Variants in THSD7B observed in about 807,000 individuals in gnomAD.
The protein encoded by THSD7B is thrombospondin type-1 domain-containing protein 7B.
A neutral mutation model predicts 213.6 loss-of-function variants in THSD7B; 138 were observed. The observed-to-expected ratio is 0.65, with a 90% confidence interval of 0.56 to 0.74. The LOEUF (loss-of-function observed/expected upper bound fraction) is 0.74, where lower values mean the gene tolerates loss of function less well. THSD7B is among the 30% of genes least tolerant of loss of function. The pLI, the probability that THSD7B is intolerant of heterozygous loss-of-function variation, is 0.00. For missense variants in THSD7B, 1,931 were observed against 1,991.5 expected, an observed-to-expected ratio of 0.97 and a Z score of 0.58; for synonymous variants, 742 against 687.0, an observed-to-expected ratio of 1.08 and a Z score of -1.25.
intron 7 of THSD7B, among the ~76,000 whole-genome samples, chr2:137,211,460 C>G (rs1681111181): frequency 6.6e-6 from 1 of 151,840 alleles, no homozygotes; most frequent in East Asian, 1.9e-4. Context: ...AAAATTAAAC[C>G]ATCACATTAT....
At chr2:137,269,684 T>C (rs529795992) in intron 10 of THSD7B, among the ~76,000 whole-genome samples, 1 of 152,282 alleles carries the variant, frequency 6.6e-6, no homozygotes, top group Admixed American at 6.5e-5. Flanking sequence ...GAAGAGACTT[T>C]TTCCTAAAGG....
chr2:137,154,171 T>G (rs542788975), intron 5 of THSD7B, among the ~76,000 whole-genome samples: 8 of 152,242 alleles, frequency 5.3e-5, no homozygotes, highest in African/African-American at 1.9e-4. Context: ...ATTTAGGTTT[T>G]GGGGGTTCTT....
chr2:137,285,478 G>A (rs1683147943), intron 12 of THSD7B, among the ~76,000 whole-genome samples: 1 of 151,882 alleles, frequency 6.6e-6, no homozygotes, highest in South Asian at 2.1e-4. Flanking sequence ...ATTAGTTGAT[G>A]CAGTTTCTTC....
At chr2:137,435,250 T>C (rs1476957340) in intron 14 of THSD7B, among the ~76,000 whole-genome samples, 1 of 152,158 alleles carries the variant, frequency 6.6e-6, no homozygotes, top group Non-Finnish European at 1.5e-5. Flanking sequence ...TGAGGATGGT[T>C]TGGGGAAAGA....
intron 1 of THSD7B, among the ~76,000 whole-genome samples, chr2:136,825,718 A>ATTTTTTTTTTTTTTGTTTTGTT (rs759978910): frequency 2.6e-5 from 3 of 116,896 alleles, no homozygotes; most frequent in East Asian, 3.7e-4. Flanking sequence ...TGCCTGGCTA[A>ATTTTTTTTTTTTTTGTTTTGTT]TTTTTTTTTT....
At chr2:137,344,199 C>G (rs973491692) in intron 12 of THSD7B, among the ~76,000 whole-genome samples, 1 of 151,554 alleles carries the variant, frequency 6.6e-6, no homozygotes, top group Non-Finnish European at 1.5e-5. Context: ...AAGCCACTCC[C>G]CCATATCTGT....
In THSD7B at chr2:137,572,339, A is replaced by C. The variant is rs1046990228; in HGVS notation, c.3273-67A>C. On this transcript the variant is annotated intron_variant, in intron 16 of 27. Transcript: ENST00000409968. Reference sequence around the variant, plus strand: ...CTATCGTCAGTTACTATGATACATCATAACTATTTTAAATATACTCTCCAC... The same window carrying C: ...CTATCGTCAGTTACTATGATACATCCTAACTATTTTAAATATACTCTCCAC... 15 of 1,551,716 alleles carry C rather than the reference A, an allele frequency of 9.7e-6. No homozygotes were observed. In the Admixed American group the frequency reaches 2.7e-4, roughly 28 times the overall value.
At chr2:136,780,535 T>C (rs1039991878) in intron 1 of THSD7B, among the ~76,000 whole-genome samples, 8 of 152,222 alleles carry the variant, frequency 5.3e-5, no homozygotes, top group East Asian at 1.9e-4. Context: ...ATTTCCTTTA[T>C]GCAAGGAGAG....
rs944209904 is a variant in THSD7B, at chr2:137,030,720, A to C, written c.140-25700A>C. ...CTCACTTGGAAGTGGCAGCTAAGCTATGGGTACACAAAGGTATACAGAGTG... is the reference window on the plus strand; with the variant it reads ...CTCACTTGGAAGTGGCAGCTAAGCTCTGGGTACACAAAGGTATACAGAGTG... On this transcript the variant is annotated intron_variant, in intron 2 of 27. Transcript: ENST00000409968. Among the ~76,000 whole-genome samples the C allele has an allele frequency of 2.0e-5, 3 of 152,244 alleles. No homozygotes were observed. In the East Asian group the frequency reaches 5.8e-4, roughly 29 times the overall value.
At position 137,565,977 on chromosome 2, in the gene THSD7B, A is replaced by C. The variant is rs192383304; in HGVS notation, c.3272+2623A>C. 2.8e-4 allele frequency among the ~76,000 whole-genome samples: 43 copies of C among 152,282 alleles called. No homozygotes were observed. The East Asian group carries it at 4.6e-3, about 16-fold the overall frequency. On this transcript the variant is annotated intron_variant, in intron 16 of 27. Coordinates refer to ENST00000409968, the MANE Select transcript of THSD7B (RefSeq NM_001316349.2). The stretch of plus-strand genomic sequence containing the variant: ...TAGAAAACATACATACTCACAATGC[A>C]CCATGCTGTATGTACGTAATTACTT...
chr2:137,061,660 C>A (rs1256768891), intron 3 of THSD7B, among the ~76,000 whole-genome samples: 2 of 151,622 alleles, frequency 1.3e-5, no homozygotes, highest in Non-Finnish European at 3.0e-5. Flanking sequence ...TTATGGATTA[C>A]ATTAATTGAT....
chr2:137,309,506 A>AT (rs1464408056), intron 12 of THSD7B, among the ~76,000 whole-genome samples: 27 of 150,930 alleles, frequency 1.8e-4, no homozygotes, highest in Non-Finnish European at 2.4e-4. Context: ...AATTTTATTT[A>AT]TTTTTTATTA....
At chr2:137,076,241 C>T (rs530076406) in intron 3 of THSD7B, among the ~76,000 whole-genome samples, 4 of 152,332 alleles carry the variant, frequency 2.6e-5, no homozygotes, top group Admixed American at 1.3e-4. Context: ...CCACCCAGTT[C>T]GAGCTTCCTG....
chr2:136,990,597 C>A (rs900464364), intron 2 of THSD7B, among the ~76,000 whole-genome samples: 1 of 152,112 alleles, frequency 6.6e-6, no homozygotes, highest in Non-Finnish European at 1.5e-5. Context: ...GTCATTGACA[C>A]TAATTACTCG....
chr2:137,432,348 GC>G, intron 14 of THSD7B, among the ~76,000 whole-genome samples: 1 of 152,174 alleles, frequency 6.6e-6, no homozygotes, highest in Non-Finnish European at 1.5e-5. Context: ...CCGAGATCGC[GC>G]CACTGCGCTC....
intron 3 of THSD7B, among the ~76,000 whole-genome samples, chr2:137,080,841 G>T: frequency 6.6e-6 from 1 of 151,932 alleles, no homozygotes; most frequent in Middle Eastern, 3.4e-3. Flanking sequence ...GTATATTTGA[G>T]AAGTTTCAGT....
At chr2:136,905,738 A>G (rs1684149230) in intron 2 of THSD7B, among the ~76,000 whole-genome samples, 1 of 152,246 alleles carries the variant, frequency 6.6e-6, no homozygotes, top group African/African-American at 2.4e-5. Context: ...AGACAAGTAC[A>G]TCATTAGGCA....
chr2:137,466,890 G>A (rs1007414018), intron 15 of THSD7B, among the ~76,000 whole-genome samples: 1 of 152,114 alleles, frequency 6.6e-6, no homozygotes, highest in African/African-American at 2.4e-5. Flanking sequence ...GTCATCTTCA[G>A]TGTTGGCTTC....
chr2:137,611,178 A>G (rs1682283126), intron 17 of THSD7B, among the ~76,000 whole-genome samples: 1 of 151,780 alleles, frequency 6.6e-6, no homozygotes, highest in South Asian at 2.1e-4. Flanking sequence ...GCCTTTAATC[A>G]TTTTTGACCA....
Sources: allele counts gnomAD v4.1 joint callset (sites outside exome capture counted in the v4.1 genomes callset), GRCh38; gene constraint gnomAD v4.1.1; transcripts MANE v1.5; gene names NCBI Gene and HGNC (gene_info 2026-07-23, HGNC 2026-07-21).